The following TFCP2 variants were observed in gnomAD, a reference collection of about 807,000 sequenced individuals.
TFCP2 encodes the protein alpha-globin transcription factor CP2.
In TFCP2, 33 loss-of-function variants were observed where a neutral mutation model predicts 73.4. That is an observed-to-expected ratio of 0.45 (90% confidence interval 0.34 to 0.60). The LOEUF (loss-of-function observed/expected upper bound fraction) is 0.60, where lower values mean the gene tolerates loss of function less well. TFCP2 is among the 20% of genes least tolerant of loss of function. The pLI is 0.01. For synonymous variants in TFCP2, 193 were observed against 211.6 expected (o/e 0.91, Z 0.76); for missense variants, 352 against 604.0 (o/e 0.58, Z 4.37).
chr12:51,110,997 T>A lies in TFCP2; in HGVS notation c.458-14A>T. 6.4e-7 allele frequency: 1 copy of A among 1,573,194 alleles called. No individual in the cohort carries two copies. The highest frequency in any genetic ancestry group is 8.8e-7 in the Non-Finnish European group (1 of 1,142,810). On this transcript the variant is annotated splice_polypyrimidine_tract_variant and intron_variant, in intron 4 of 14. Coordinates refer to ENST00000257915, the MANE Select transcript of TFCP2 (RefSeq NM_005653.5). ...ACATCGGGATATCTGAGAAACAAAA[T>A]GGTAATCATTGAACAATTTTGAGGG...
At chr12:51,127,368 G>C (rs1353959409) in intron 1 of TFCP2, among the ~76,000 whole-genome samples, 1 of 152,070 alleles carries the variant, frequency 6.6e-6, no homozygotes. Flanking sequence ...ATTTAACATA[G>C]AGGGGGAAAA....
At chr12:51,138,404 G>A (rs985286780) in intron 1 of TFCP2, among the ~76,000 whole-genome samples, 12 of 152,070 alleles carry the variant, frequency 7.9e-5, no homozygotes, top group Non-Finnish European at 1.6e-4. Context: ...TGATCCAACC[G>A]CCTCGGCCTC....
At chr12:51,103,112 G>A (rs1341312555) in intron 10 of TFCP2, among the ~76,000 whole-genome samples, 1 of 151,966 alleles carries the variant, frequency 6.6e-6, no homozygotes, top group Non-Finnish European at 1.5e-5. Context: ...GTGAAACCCT[G>A]TCTCTACTAA....
chr12:51,140,445 C>CTTTTTTTTTTTTTTTTTTTTTT (rs768526922), intron 1 of TFCP2, among the ~76,000 whole-genome samples: 2 of 88,036 alleles, frequency 2.3e-5, no homozygotes, highest in Admixed American at 1.5e-4. Flanking sequence ...TTTTCTTTTT[C>CTTTTTTTTTTTTTTTTTTTTTT]TTTTTTTTTT....
At chr12:51,117,876 G>A (rs1940568420) in intron 2 of TFCP2, 129 bp from the exon 3 acceptor site, 3 of 617,368 alleles carry the variant, frequency 4.9e-6, no homozygotes, top group Non-Finnish European at 8.3e-6. Flanking sequence ...ACAACAATCA[G>A]AAGCCTTTAC....
At chr12:51,139,598 G>A (rs1592821003) in intron 1 of TFCP2, among the ~76,000 whole-genome samples, 1 of 152,008 alleles carries the variant, frequency 6.6e-6, no homozygotes, top group East Asian at 1.9e-4. Context: ...GACTGGTGCT[G>A]AACTCCTGGC....
In TFCP2 at chr12:51,106,599, G is replaced by A. The variant is rs140688280; in HGVS notation, c.843C>T (p.Pro281=). ...GGGAGTTATTGACATACGTGATCTCGGGCCATGGAGAACACTAAAAACAAA... is the reference window on the plus strand; with the variant it reads ...GGGAGTTATTGACATACGTGATCTCAGGCCATGGAGAACACTAAAAACAAA... ...TTILTECSPW[P]EITYVNNSPS... Residue 281 remains proline, a synonymous_variant, in exon 8 of 15, where the codon CCC becomes CCT. Coordinates refer to ENST00000257915, the MANE Select transcript of TFCP2 (RefSeq NM_005653.5). 99 of 1,612,962 alleles carry A rather than the reference G, an allele frequency of 6.1e-5. No individual in the cohort carries two copies. The highest frequency in any genetic ancestry group is 1.6e-4 in the Middle Eastern group (1 of 6,078).
intron 1 of TFCP2, among the ~76,000 whole-genome samples, chr12:51,166,522 C>G (rs7980927): frequency 0.059 from 8,951 of 152,062 alleles, 864 homozygotes; most frequent in African/African-American, 0.2. Flanking sequence ...GACCACCAAT[C>G]CCTCAACTGG....
Position 51,095,241 on chromosome 12 carries a change from C to A in TFCP2, c.1509G>T (p.Ter503TyrextTer77). Residue 503 changes from the stop codon to tyrosine, a stop_lost, in exon 15 of 15, where the codon TAG (stop) becomes TAT (tyrosine). Transcript: ENST00000257915. ...CCACTGGGCACGAAACGCCGCACTC[C>A]TACTTCAGTATGATATGATAGCTAT... is the stretch of plus-strand genomic sequence containing the variant. ...TNDSYHIILK[*>Y] The A allele has an allele frequency of 1.2e-6, 2 of 1,613,950 alleles. No homozygotes were observed. The highest frequency in any genetic ancestry group is 1.7e-6 in the Non-Finnish European group (2 of 1,180,014).
chr12:51,136,398 T>G (rs754088947), intron 1 of TFCP2, among the ~76,000 whole-genome samples: 9 of 152,126 alleles, frequency 5.9e-5, no homozygotes, highest in Non-Finnish European at 1.0e-4. Flanking sequence ...AATACCATAC[T>G]AAATTATTCT....
intron 12 of TFCP2, 90 bp from the exon 13 acceptor site, chr12:51,099,008 G>A: frequency 7.2e-7 from 1 of 1,391,320 alleles, no homozygotes; most frequent in Non-Finnish European, 9.9e-7. Context: ...CTTTTCTGAA[G>A]GACTCAGAAA....
Position 51,172,497 on chromosome 12 carries a change from T to G in TFCP2, c.-75A>C. The G allele has an allele frequency of 6.3e-7, 1 of 1,590,222 alleles. No homozygotes were observed. The highest frequency in any genetic ancestry group is 1.3e-5 in the African/African-American group (1 of 74,122). On this transcript the variant is annotated 5_prime_UTR_variant, in exon 1 of 15. Coordinates refer to ENST00000257915, the MANE Select transcript of TFCP2 (RefSeq NM_005653.5). ...GGAGGGTAATTCTACCCAACAGGAG[T>G]AACGCAAACCAAGAAAACTACAAAC...
At chr12:51,122,219 A>G (rs1045750674) in intron 1 of TFCP2, among the ~76,000 whole-genome samples, 1 of 148,206 alleles carries the variant, frequency 6.7e-6, no homozygotes, top group Non-Finnish European at 1.5e-5. Context: ...GATGCAAACC[A>G]GTTTTCATGA....
At position 51,172,818 on chromosome 12, in the gene TFCP2, T is replaced by C. The variant is rs778445567; in HGVS notation, c.-396A>G. The C allele has an allele frequency of 3.8e-5, 7 of 181,956 alleles. No homozygotes were observed. The highest frequency in any genetic ancestry group is 7.1e-5 in the Non-Finnish European group (6 of 84,430). The allele number at this position is 181,956 out of a possible 1,614,324, so 11.3% of individuals were successfully genotyped here. ...AGCCAGCCCGGCGCTCCCACGCTGCTTTTGCACCTTTTCCCCCGCCCCTTT... is the reference window on the plus strand; with the variant it reads ...AGCCAGCCCGGCGCTCCCACGCTGCCTTTGCACCTTTTCCCCCGCCCCTTT... On this transcript the variant is annotated 5_prime_UTR_variant, in exon 1 of 15. Coordinates refer to ENST00000257915, the MANE Select transcript of TFCP2 (RefSeq NM_005653.5).
chr12:51,095,052 G>T lies in TFCP2; in HGVS notation c.*189C>A. ...AGAACTGCATATTGGGCAGTAATCT[G>T]TGTGTACCACAAGAGCTTGGGCCAA... On this transcript the variant is annotated 3_prime_UTR_variant, in exon 15 of 15. Transcript: ENST00000257915. The T allele has an allele frequency of 1.5e-6, 1 of 675,408 alleles. No individual in the cohort carries two copies. 41.8% of individuals were successfully genotyped at this position (675,408 alleles called of 1,614,324 possible).
intron 1 of TFCP2, among the ~76,000 whole-genome samples, chr12:51,160,898 C>G (rs1941633690): frequency 6.6e-6 from 1 of 152,126 alleles, no homozygotes; most frequent in Admixed American, 6.6e-5. Context: ...GGTGCTAGGG[C>G]AGGAAATAGG....
intron 1 of TFCP2, among the ~76,000 whole-genome samples, chr12:51,141,587 G>T (rs528741496): frequency 2.0e-5 from 3 of 151,992 alleles, no homozygotes; most frequent in African/African-American, 7.2e-5. Flanking sequence ...AAAATAATAA[G>T]AATATGCCCA....
chr12:51,132,709 CACTTTTGGGA>C (rs1255675843), intron 1 of TFCP2, among the ~76,000 whole-genome samples: 1 of 152,048 alleles, frequency 6.6e-6, no homozygotes, highest in African/African-American at 2.4e-5. Flanking sequence ...TTTACCTTTG[CACTTTTGGGA>C]ACCCTGAACT....
At chr12:51,119,714 C>A (rs923304954) in intron 1 of TFCP2, among the ~76,000 whole-genome samples, 1 of 151,176 alleles carries the variant, frequency 6.6e-6, no homozygotes, top group Non-Finnish European at 1.5e-5. Flanking sequence ...GGTGCCACTG[C>A]ACTCCAGCCT....
Sources: allele counts gnomAD v4.1 joint callset (sites outside exome capture counted in the v4.1 genomes callset), GRCh38; gene constraint gnomAD v4.1.1; transcripts MANE v1.5; gene names NCBI Gene and HGNC (gene_info 2026-07-23, HGNC 2026-07-21).